Variants in LDAH observed in about 807,000 individuals in gnomAD.
LDAH encodes the protein lipid droplet associated hydrolase, also known as lipid droplet-associated hydrolase.
Under a neutral mutation model 29.6 loss-of-function variants are expected in LDAH, and 26 were observed. That is an observed-to-expected ratio of 0.88 (90% CI 0.64 to 1.22). The LOEUF is 1.22. LDAH is among the 50% of genes most tolerant of loss of function. The pLI, the probability that LDAH is intolerant of heterozygous loss-of-function variation, is 0.00. For missense variants in LDAH, 344 were observed against 387.3 expected, an observed-to-expected ratio of 0.89 and a Z score of 0.94; for synonymous variants, 117 against 133.0, an observed-to-expected ratio of 0.88 and a Z score of 0.83.
chr2:20,722,203 G>A (rs886687028), intron 5 of LDAH, among the ~76,000 whole-genome samples: 33 of 151,834 alleles, frequency 2.2e-4, no homozygotes, highest in Non-Finnish European at 1.0e-4. Flanking sequence ...TGGTGAAACC[G>A]TCTCTACTAA....
chr2:20,821,813 C>T (rs1673333221), intron 1 of LDAH, among the ~76,000 whole-genome samples: 1 of 151,942 alleles, frequency 6.6e-6, no homozygotes, highest in Non-Finnish European at 1.5e-5. Flanking sequence ...AGTCTGAAGG[C>T]ATTAAGTTAT....
At chr2:20,683,221 C>G (rs1179445778), downstream of LDAH, among the ~76,000 whole-genome samples, 1 of 152,222 alleles carries the variant, frequency 6.6e-6, no homozygotes, top group African/African-American at 2.4e-5. Context: ...ACACTCCTCA[C>G]CTGGGCCAAT....
At chr2:20,710,714 T>TATTATACACA (rs1664687207) in intron 5 of LDAH, among the ~76,000 whole-genome samples, 1 of 147,304 alleles carries the variant, frequency 6.8e-6, no homozygotes, top group African/African-American at 2.5e-5. Context: ...TACACATATA[T>TATTATACACA]TATACATATA....
chr2:20,810,823 C>A (rs1672425532), intron 1 of LDAH, among the ~76,000 whole-genome samples: 1 of 152,190 alleles, frequency 6.6e-6, no homozygotes, highest in Non-Finnish European at 1.5e-5. Flanking sequence ...GCATTAAATT[C>A]TCACAGGAAC....
At chr2:20,769,663 A>G (rs1025823994) in intron 4 of LDAH, among the ~76,000 whole-genome samples, 1 of 152,184 alleles carries the variant, frequency 6.6e-6, no homozygotes, top group Non-Finnish European at 1.5e-5. Flanking sequence ...AAGTTTTGCA[A>G]ACTTCTCAGC....
chr2:20,765,208 C>T (rs1668946183), intron 4 of LDAH, among the ~76,000 whole-genome samples: 1 of 152,194 alleles, frequency 6.6e-6, no homozygotes, highest in Non-Finnish European at 1.5e-5. Flanking sequence ...TCATTTTCGA[C>T]ATCTCTCTAC....
intron 5 of LDAH, among the ~76,000 whole-genome samples, chr2:20,719,305 C>T (rs1007057771): frequency 7.0e-6 from 1 of 143,500 alleles, no homozygotes; most frequent in Non-Finnish European, 1.5e-5. Flanking sequence ...AAAAAGGAAA[C>T]ATTACAACTG....
chr2:20,754,702 C>A (rs1668207572), intron 4 of LDAH, among the ~76,000 whole-genome samples: 1 of 151,858 alleles, frequency 6.6e-6, no homozygotes, highest in Non-Finnish European at 1.5e-5. Flanking sequence ...GAATGCAAAA[C>A]CTTAATCTAG....
intron 5 of LDAH, among the ~76,000 whole-genome samples, chr2:20,709,806 T>G (rs1040402180): frequency 2.0e-5 from 3 of 152,150 alleles, no homozygotes; most frequent in Non-Finnish European, 2.9e-5. Flanking sequence ...CAACGAAATA[T>G]TATTCATCAA....
At chr2:20,714,682 C>T (rs188974938) in intron 5 of LDAH, among the ~76,000 whole-genome samples, 6 of 152,178 alleles carry the variant, frequency 3.9e-5, no homozygotes, top group Non-Finnish European at 7.4e-5. Flanking sequence ...AGATGCAATA[C>T]AAAATGATAA....
intron 3 of LDAH, among the ~76,000 whole-genome samples, chr2:20,789,724 G>T (rs755040222): frequency 6.6e-6 from 1 of 152,222 alleles, no homozygotes; most frequent in Non-Finnish European, 1.5e-5. Flanking sequence ...TGCGACGGGC[G>T]AGTGAGCATT....
chr2:20,764,667 A>G (rs1668913947), intron 4 of LDAH, among the ~76,000 whole-genome samples: 1 of 152,212 alleles, frequency 6.6e-6, no homozygotes, highest in Non-Finnish European at 1.5e-5. Flanking sequence ...CAAATATTAA[A>G]AAAGCAAAAA....
chr2:20,760,484 T>C (rs1261331503), intron 4 of LDAH, among the ~76,000 whole-genome samples: 2 of 152,232 alleles, frequency 1.3e-5, no homozygotes, highest in Non-Finnish European at 2.9e-5. Context: ...CTTAGCATCT[T>C]ACCAGACTGC....
Position 20,740,058 on chromosome 2 carries a change from T to G in LDAH, c.616A>C (p.Lys206Gln). Residue 206 changes from lysine to glutamine, a missense_variant, in exon 5 of 7, where the codon AAG becomes CAG. Lys to Gln is a moderately conservative substitution (Grantham distance 53, BLOSUM62 1). Transcript: ENST00000237822. ...LLLKPCPETIKSLLIRRGLQV... is the reference protein window; with the variant it reads ...LLLKPCPETIQSLLIRRGLQV... ...AGGCCCCTTCTGATTAGCAAGGACT[T>G]GATTGTCTCAGGACACGGTTTCAAT... is the stretch of plus-strand genomic sequence containing the variant. 1 of 1,614,100 alleles carries G rather than the reference T, an allele frequency of 6.2e-7. No homozygotes were observed. Among genetic ancestry groups the G allele is most frequent in the Non-Finnish European group, 8.5e-7 (1 of 1,179,978 alleles).
chr2:20,688,442 G>A (rs935157515), intron 6 of LDAH, among the ~76,000 whole-genome samples: 7 of 152,142 alleles, frequency 4.6e-5, no homozygotes, highest in Non-Finnish European at 8.8e-5. Context: ...GCTTTATCCC[G>A]AAGTCCACAA....
intron 4 of LDAH, among the ~76,000 whole-genome samples, chr2:20,741,484 G>A (rs1049543664): frequency 6.6e-6 from 1 of 152,154 alleles, no homozygotes; most frequent in Non-Finnish European, 1.5e-5. Flanking sequence ...GCACATGGAC[G>A]TTCAGTTGTT....
intron 1 of LDAH, among the ~76,000 whole-genome samples, chr2:20,803,149 C>A (rs2125113904): frequency 6.6e-6 from 1 of 152,298 alleles, no homozygotes; most frequent in South Asian, 2.1e-4. Flanking sequence ...AAATATCCTA[C>A]AATACACAGG....
At chr2:20,711,349 C>A (rs918523109) in intron 5 of LDAH, among the ~76,000 whole-genome samples, 1 of 150,712 alleles carries the variant, frequency 6.6e-6, no homozygotes, top group African/African-American at 2.5e-5. Flanking sequence ...TGCGCCACTG[C>A]ACTCTAGCCT....
chr2:20,798,274 G>T (rs1037282801), intron 2 of LDAH, among the ~76,000 whole-genome samples: 8 of 152,266 alleles, frequency 5.3e-5, no homozygotes, highest in Non-Finnish European at 1.0e-4. Flanking sequence ...ATCCAAGCCA[G>T]AAGAAAGTGA....
Sources: gnomAD v4.1 joint callset for allele counts (sites outside exome capture counted in the v4.1 genomes callset) on GRCh38, gnomAD v4.1.1 for gene constraint, MANE v1.5 for transcripts, NCBI Gene and HGNC (gene_info 2026-07-23, HGNC 2026-07-21) for gene names.